The following OPRM1 variants were observed in gnomAD, a reference collection of about 807,000 sequenced individuals.
OPRM1 encodes opioid receptor mu 1, also known as mu-type opioid receptor.
Under a neutral mutation model 31.8 loss-of-function variants are expected in OPRM1, and 27 were observed. The ratio of observed to expected loss-of-function variants is 0.85; its 90% CI spans 0.63 to 1.17. The LOEUF (loss-of-function observed/expected upper bound fraction) is 1.17, where lower values mean the gene tolerates loss of function less well. Ranked by LOEUF, OPRM1 falls within the 50% of genes most tolerant of loss-of-function variation. The pLI is 0.00. For missense variants in OPRM1, 536 were observed against 511.1 expected (o/e 1.05, Z -0.47); for synonymous variants, 196 against 189.9 (o/e 1.03, Z -0.26).
rs76171602 is a variant in OPRM1 at position 154,231,737 on chromosome 6, A to G, written c.1165-14956A>G. Among the ~76,000 whole-genome samples, 584 of 152,364 alleles carry G rather than the reference A, an allele frequency of 3.8e-3. 4 individuals are homozygous for G. The highest frequency in any genetic ancestry group is 4.4e-3 in the Non-Finnish European group (299 of 68,038). The stretch of plus-strand genomic sequence containing the variant: ...ACCAAAAACAAATAGAAAAGGGGGA[A>G]GAAAGAGGATAGAGAACAGAGATGC... On this transcript the variant is annotated intron_variant, in intron 3 of 3. Transcript: ENST00000337049.
intron 3 of OPRM1, among the ~76,000 whole-genome samples, chr6:154,166,220 A>C (rs1799412321): frequency 6.6e-6 from 1 of 152,252 alleles, no homozygotes. Context: ...TGCTGAATTC[A>C]CCAATGACGA....
At chr6:154,072,941 T>C (rs1787110064) in intron 1 of OPRM1, among the ~76,000 whole-genome samples, 1 of 152,192 alleles carries the variant, frequency 6.6e-6, no homozygotes, top group East Asian at 1.9e-4. Flanking sequence ...TTTTATGTTT[T>C]CCTTGGGAAG....
In OPRM1 at chr6:154,126,526, C is replaced by T. The variant is rs2128530116; in HGVS notation, c.*7805C>T. On this transcript the variant is annotated 3_prime_UTR_variant, in exon 4 of 4. Transcript: ENST00000330432. ...CTCATAGGCTCTTCTTCCCTGGTTC[C>T]CTCAGGAGCTGGGTTTCTGGGTTGC... Among the ~76,000 whole-genome samples the T allele has an allele frequency of 6.6e-6, 1 of 152,262 alleles. No homozygotes were observed. The highest frequency in any genetic ancestry group is 2.4e-5 in the African/African-American group (1 of 41,542).
chr6:154,033,735 G>A (rs1010568621), intron 1 of OPRM1, among the ~76,000 whole-genome samples: 3 of 152,206 alleles, frequency 2.0e-5, no homozygotes, highest in Non-Finnish European at 4.4e-5. Context: ...AAGAAGCTGA[G>A]ACATTTTTAT....
downstream of OPRM1, among the ~76,000 whole-genome samples, chr6:154,132,666 A>G (rs1311541138): frequency 6.6e-6 from 1 of 152,204 alleles, no homozygotes; most frequent in East Asian, 1.9e-4. Context: ...AGCTAAATCC[A>G]CTGATAGTCT....
At chr6:154,223,292 G>T in intron 3 of OPRM1, 1 of 1,395,914 alleles carries the variant, frequency 7.2e-7, no homozygotes, top group Non-Finnish European at 1.0e-6. Context: ...CAATCCTGGG[G>T]ATTAGTGCAT....
chr6:154,110,380 C>A, intron 3 of OPRM1: 1 of 1,495,938 alleles, frequency 6.7e-7, no homozygotes, highest in Non-Finnish European at 9.1e-7. Flanking sequence ...CAAAAGTCAT[C>A]TTTACTCAAC....
At chr6:154,025,418 A>G (rs1446932316) in intron 1 of OPRM1, among the ~76,000 whole-genome samples, 2 of 151,924 alleles carry the variant, frequency 1.3e-5, no homozygotes, top group African/African-American at 4.8e-5. Flanking sequence ...ATGTATCTTT[A>G]TAGGTAAAGT....
chr6:154,202,092 G>A (rs913957123), intron 3 of OPRM1, among the ~76,000 whole-genome samples: 2 of 152,202 alleles, frequency 1.3e-5, no homozygotes, highest in Non-Finnish European at 2.9e-5. Context: ...GATGGGAGAA[G>A]CCAATATTTA....
intron 3 of OPRM1, among the ~76,000 whole-genome samples, chr6:154,163,859 G>A (rs1799218726): frequency 1.3e-5 from 2 of 152,156 alleles, no homozygotes; most frequent in South Asian, 4.1e-4. Flanking sequence ...TAGATAGATA[G>A]AAGATAGACA....
intron 3 of OPRM1, among the ~76,000 whole-genome samples, chr6:154,144,087 T>TC (rs1224150825): frequency 6.6e-6 from 1 of 152,078 alleles, no homozygotes; most frequent in Admixed American, 6.5e-5. Context: ...ATGAGCCAAT[T>TC]CCCCAAAAAT....
rs919397349 is a variant in OPRM1, at chr6:154,122,182, C to T, written c.*3461C>T. 5.3e-5 allele frequency among the ~76,000 whole-genome samples: 8 copies of T among 152,184 alleles called. No homozygotes were observed. Among genetic ancestry groups the T allele is most frequent in the African/African-American group, 1.4e-4 (6 of 41,458 alleles). ...ACACACAAGTTGTGTTTGTACAATT[C>T]TTGAGGTCAATCAGAACCAAAAAAT... On this transcript the variant is annotated 3_prime_UTR_variant, in exon 4 of 4. Coordinates refer to ENST00000330432, the MANE Select transcript of OPRM1 (RefSeq NM_000914.5).
chr6:154,026,449 C>A (rs1302920657), intron 1 of OPRM1, among the ~76,000 whole-genome samples: 1 of 152,020 alleles, frequency 6.6e-6, no homozygotes, highest in Non-Finnish European at 1.5e-5. Context: ...TGTTCTATAA[C>A]CCTCTTATAC....
chr6:154,081,988 C>T (rs1789273967), intron 1 of OPRM1, among the ~76,000 whole-genome samples: 1 of 152,192 alleles, frequency 6.6e-6, no homozygotes, highest in African/African-American at 2.4e-5. Flanking sequence ...ATTCAGAGGT[C>T]TGCTATCACC....
rs1005659992 is a variant in OPRM1 at position 154,168,989 on chromosome 6, C to A, written c.1164+77517C>A. Among the ~76,000 whole-genome samples, 1 of 151,734 alleles carries A rather than the reference C, an allele frequency of 6.6e-6. No individual in the cohort carries two copies. Among genetic ancestry groups the A allele is most frequent in the African/African-American group, 2.4e-5 (1 of 41,380 alleles). ...CCTAAATTCATGTGTTTCTCACGTG[C>A]AATATATTCACCTCATCCCAACAAC... On this transcript the variant is annotated intron_variant, in intron 3 of 3. Coordinates refer to the OPRM1 transcript ENST00000337049. This position sits in a 1 kb window ranked among gnomAD's most constrained non-coding sequence, Gnocchi z 4.1.
chr6:154,244,249 C>CT (rs1780835771), intron 3 of OPRM1, among the ~76,000 whole-genome samples: 1 of 151,656 alleles, frequency 6.6e-6, no homozygotes. Context: ...ATTGAGTAGC[C>CT]TTTTTTCCCT....
At chr6:154,055,403 A>C (rs976569234) in intron 1 of OPRM1, among the ~76,000 whole-genome samples, 1 of 149,146 alleles carries the variant, frequency 6.7e-6, no homozygotes, top group Non-Finnish European at 1.5e-5. Flanking sequence ...ATTAATGAAT[A>C]AACAAAAAAA....
chr6:154,246,394 T>C (rs561516451), intron 3 of OPRM1, among the ~76,000 whole-genome samples: 1 of 152,328 alleles, frequency 6.6e-6, no homozygotes, highest in South Asian at 2.1e-4. Flanking sequence ...TCAAACAGGA[T>C]GGGTTTCTTC....
intron 1 of OPRM1, among the ~76,000 whole-genome samples, chr6:154,042,767 G>A (rs1235200005): frequency 6.6e-6 from 1 of 152,156 alleles, no homozygotes; most frequent in Non-Finnish European, 1.5e-5. Flanking sequence ...AATGTTATCA[G>A]TAACCATCAC....
Sources: allele counts gnomAD v4.1 joint callset (sites outside exome capture counted in the v4.1 genomes callset), GRCh38; gene constraint gnomAD v4.1.1; non-coding constraint Gnocchi (gnomAD v3.1); transcripts MANE v1.5; gene names NCBI Gene and HGNC (gene_info 2026-07-23, HGNC 2026-07-21).